Variants in MFAP3 observed in about 807,000 individuals in gnomAD.
MFAP3 encodes the protein microfibril associated protein 3.
A neutral mutation model predicts 20.5 loss-of-function variants in MFAP3; 8 were observed. That is an observed-to-expected ratio of 0.39 (90% confidence interval 0.23 to 0.70). The LOEUF (loss-of-function observed/expected upper bound fraction) is 0.70, where lower values mean the gene tolerates loss of function less well. MFAP3 is among the 30% of genes least tolerant of loss of function. The probability of loss-of-function intolerance (pLI) is 0.44; values close to 1 mark genes in which losing one functional copy is unlikely to be tolerated. For missense variants in MFAP3, 398 were observed against 444.6 expected (o/e 0.90, Z 0.94); for synonymous variants, 140 against 154.0 (o/e 0.91, Z 0.67).
Position 154,049,918 on chromosome 5 carries a change from G to A in MFAP3, c.196G>A (p.Gly66Arg). The A allele has an allele frequency of 6.2e-7, 1 of 1,613,582 alleles. No homozygotes were observed. The highest frequency in any genetic ancestry group is 1.3e-5 in the African/African-American group (1 of 74,986). The change falls in exon 2 of 3, where the codon GGA (glycine) becomes AGA (arginine). Residue 66 changes from glycine (G) to arginine (R), a missense_variant. Coordinates refer to ENST00000522782, the MANE Select transcript of MFAP3 (RefSeq NM_005927.5). ...SDDDVIIAKE[G>R]TSVSIECLLT... ...TGATGATGTCATCATAGCCAAAGAG[G>A]GAACTAGCGTTTCAATTGAGTGTCT...
chr5:154,052,825 G>C (rs2113567467), intron 2 of MFAP3, 95 bp from the exon 3 acceptor site: 2 of 1,085,390 alleles, frequency 1.8e-6, no homozygotes, highest in Non-Finnish European at 2.7e-6. Flanking sequence ...CTAAGTTAAA[G>C]TACTTTGATA....
chr5:154,042,377 A>G (rs1390880283), intron 1 of MFAP3, among the ~76,000 whole-genome samples: 1 of 152,234 alleles, frequency 6.6e-6, no homozygotes, highest in Non-Finnish European at 1.5e-5. Flanking sequence ...AATACAGACG[A>G]TGTTTCTCCA....
chr5:154,052,992 C>T lies in MFAP3; in HGVS notation c.368C>T (p.Thr123Ile), dbSNP rs1397943550. 1.9e-6 allele frequency: 3 copies of T among 1,613,830 alleles called. No homozygotes were observed. The highest frequency in any genetic ancestry group is 2.2e-5 in the South Asian group (2 of 91,070). Residue 123 changes from threonine to isoleucine, a missense_variant, in exon 3 of 3, where the codon ACC (threonine) becomes ATC (isoleucine). Coordinates refer to ENST00000522782, the MANE Select transcript of MFAP3 (RefSeq NM_005927.5). ...GCTTTTGATGACCGTGGGCTCTATACCTGTTTCGTCACCTCTCCAATTCGT... is the reference window on the plus strand; with the variant it reads ...GCTTTTGATGACCGTGGGCTCTATATCTGTTTCGTCACCTCTCCAATTCGT... ...NVAFDDRGLY[T>I]CFVTSPIRAS...
chr5:154,043,738 A>ATT, intron 1 of MFAP3, among the ~76,000 whole-genome samples: 1 of 103,646 alleles, frequency 9.6e-6, no homozygotes, highest in South Asian at 2.9e-4. Flanking sequence ...ATATATATAT[A>ATT]TATATTTTTT....
At chr5:154,050,167 A>C in intron 2 of MFAP3, 150 bp downstream of exon 2, 1 of 654,130 alleles carries the variant, frequency 1.5e-6, no homozygotes, top group Admixed American at 3.7e-5. Flanking sequence ...TACCTATCAG[A>C]AAATGCAAAG....
rs1452118413 is a variant in MFAP3 at position 154,053,517 on chromosome 5, G to A, written c.893G>A (p.Gly298Glu). 2 of 1,613,688 alleles carry A rather than the reference G, an allele frequency of 1.2e-6. No individual in the cohort carries two copies. The highest frequency in any genetic ancestry group is 2.2e-5 in the East Asian group (1 of 44,876). The change falls in exon 3 of 3, where the codon GGA becomes GAA. Residue 298 changes from glycine (G) to glutamate (E), a missense_variant. Gly to Glu is a moderately conservative substitution (Grantham distance 98, BLOSUM62 -2). Coordinates refer to ENST00000522782, the MANE Select transcript of MFAP3 (RefSeq NM_005927.5). ...PEMGRSNSPG[G>E]DSDDGSLNEQ... ...ATGGGACGGAGTAATTCACCAGGAG[G>A]AGATTCAGATGATGGCTCTCTGAAT...
chr5:154,053,542 T>C lies in MFAP3; in HGVS notation c.918T>C (p.Asn306=). 1 of 1,613,916 alleles carries C rather than the reference T, an allele frequency of 6.2e-7. No individual in the cohort carries two copies. The highest frequency in any genetic ancestry group is 8.5e-7 in the Non-Finnish European group (1 of 1,179,948). The change falls in exon 3 of 3, where the codon AAT becomes AAC. Residue 306 remains asparagine, a synonymous_variant. Coordinates refer to ENST00000522782, the MANE Select transcript of MFAP3 (RefSeq NM_005927.5). The part of the protein sequence containing the change: ...PGGDSDDGSL[N]EQGQEIAVQV... ...GAGATTCAGATGATGGCTCTCTGAA[T>C]GAACAAGGCCAGGAAATAGCAGTTC...
chr5:154,043,611 A>G (rs1277772996), intron 1 of MFAP3, among the ~76,000 whole-genome samples: 1 of 152,106 alleles, frequency 6.6e-6, no homozygotes, highest in Non-Finnish European at 1.5e-5. Flanking sequence ...AACTTCATCC[A>G]CAAACATAGT....
rs1773263399 is a variant in MFAP3, at chr5:154,053,734, T to G, written c.*21T>G. 2 of 1,564,010 alleles carry G rather than the reference T, an allele frequency of 1.3e-6. No individual in the cohort carries two copies. Among genetic ancestry groups the G allele is most frequent in the African/African-American group, 1.4e-5 (1 of 73,006 alleles). ...TGTAACCTACAATGCTGTAACCCAG[T>G]ACCTACAAAATCAGCTCGCTCTCAG... is the stretch of plus-strand genomic sequence containing the variant. On this transcript the variant is annotated 3_prime_UTR_variant, in exon 3 of 3. Coordinates refer to ENST00000522782, the MANE Select transcript of MFAP3 (RefSeq NM_005927.5).
Position 154,051,041 on chromosome 5 carries a change from A to G in MFAP3, c.295+1024A>G, listed in dbSNP as rs553937. Among the ~76,000 whole-genome samples the G allele has an allele frequency of 2.0e-5, 3 of 152,120 alleles. No individual in the cohort carries two copies. The South Asian group carries it at 6.2e-4, about 31-fold the overall frequency. Reference sequence around the variant, plus strand: ...GACAGGTGATACTTCCTTCAGACATATGCACTATTTTAATCTATAGACTGA... The same window carrying G: ...GACAGGTGATACTTCCTTCAGACATGTGCACTATTTTAATCTATAGACTGA... On this transcript the variant is annotated intron_variant, in intron 2 of 2. Coordinates refer to ENST00000522782, the MANE Select transcript of MFAP3 (RefSeq NM_005927.5).
intron 1 of MFAP3, among the ~76,000 whole-genome samples, chr5:154,040,022 A>G (rs1772884093): frequency 2.0e-5 from 3 of 152,212 alleles, no homozygotes. Context: ...TAAATATAAA[A>G]TGGATCATTT....
In MFAP3 at chr5:154,056,446, CTT is replaced by C. The variant is rs1311785783; in HGVS notation, c.*2740_*2741del. ...CATATATAATTAAGCCTCATGTTAT[CTT>C]TTTTTTAAATCAACCTTTTGAACTT... On this transcript the variant is annotated 3_prime_UTR_variant, in exon 3 of 3. Transcript: ENST00000522782. Among the ~76,000 whole-genome samples the C allele has an allele frequency of 6.6e-6, 1 of 151,988 alleles. No individual in the cohort carries two copies. Among genetic ancestry groups the C allele is most frequent in the Non-Finnish European group, 1.5e-5 (1 of 67,964 alleles).
Position 154,052,995 on chromosome 5 carries a change from GT to G in MFAP3, c.374del (p.Phe125SerfsTer23). On this transcript the variant is annotated frameshift_variant, in exon 3 of 3. Transcript: ENST00000522782. LOFTEE classifies it high-confidence loss of function. Reference sequence around the variant, plus strand: ...TTTGATGACCGTGGGCTCTATACCTGTTTCGTCACCTCTCCAATTCGTGCCT... The same window carrying G: ...TTTGATGACCGTGGGCTCTATACCTGTTCGTCACCTCTCCAATTCGTGCCT... ...VAFDDRGLYT[C>X]FVTSPIRASY... 1.2e-6 allele frequency: 2 copies of G among 1,613,770 alleles called. No homozygotes were observed. Among genetic ancestry groups the G allele is most frequent in the Non-Finnish European group, 1.7e-6 (2 of 1,179,852 alleles).
In MFAP3 at chr5:154,053,911, C is replaced by T. The variant is rs932215910; in HGVS notation, c.*198C>T. Reference sequence around the variant, plus strand: ...CTCTCTGATACTTTTCAGTCATTTTCCTTAGAGCTTTATTAAATTATGCAT... The same window carrying T: ...CTCTCTGATACTTTTCAGTCATTTTTCTTAGAGCTTTATTAAATTATGCAT... On this transcript the variant is annotated 3_prime_UTR_variant, in exon 3 of 3. Transcript: ENST00000522782. 1 of 555,518 alleles carries T rather than the reference C, an allele frequency of 1.8e-6. No homozygotes were observed. The highest frequency in any genetic ancestry group is 3.3e-6 in the Non-Finnish European group (1 of 307,550). 34.4% of individuals were successfully genotyped at this position (555,518 alleles called of 1,614,324 possible).
At chr5:154,052,180 G>A (rs1360370312) in intron 2 of MFAP3, among the ~76,000 whole-genome samples, 1 of 152,066 alleles carries the variant, frequency 6.6e-6, no homozygotes, top group Non-Finnish European at 1.5e-5. Context: ...GGTTGAAAAT[G>A]GAAGCATAGG....
intron 1 of MFAP3, among the ~76,000 whole-genome samples, chr5:154,043,395 C>CA (rs1773004097): frequency 6.6e-6 from 1 of 151,972 alleles, no homozygotes; most frequent in African/African-American, 2.4e-5. Flanking sequence ...ACTAAAAATA[C>CA]AAAAAATTAG....
intron 1 of MFAP3, among the ~76,000 whole-genome samples, chr5:154,041,431 A>G (rs1306147451): frequency 6.6e-6 from 1 of 152,250 alleles, no homozygotes; most frequent in Non-Finnish European, 1.5e-5. Flanking sequence ...TGAGGAAACT[A>G]AAACCACTGG....
chr5:154,054,536 C>A lies in MFAP3; in HGVS notation c.*823C>A, dbSNP rs191373238. 7.8e-5 allele frequency: 13 copies of A among 167,020 alleles called. No homozygotes were observed. In the Admixed American group the frequency reaches 7.8e-4, roughly 10 times the overall value. The allele number at this position is 167,020 out of a possible 1,614,324, so 10.3% of individuals were successfully genotyped here. A position where few individuals can be genotyped will look rare whatever the true frequency, so the allele number is the denominator to read the frequency against. On this transcript the variant is annotated 3_prime_UTR_variant, in exon 3 of 3. Transcript: ENST00000522782. ...TGAGCAGTTTATTTCTAAGGTATAA[C>A]GTCTTTGATGCTTTTAGAATAAGAA... is the stretch of plus-strand genomic sequence containing the variant.
chr5:154,051,040 T>C, intron 2 of MFAP3, among the ~76,000 whole-genome samples: 1 of 152,214 alleles, frequency 6.6e-6, no homozygotes, highest in African/African-American at 2.4e-5. Context: ...CCTTCAGACA[T>C]ATGCACTATT....
Sources: allele counts gnomAD v4.1 joint callset (sites outside exome capture counted in the v4.1 genomes callset), GRCh38; gene constraint gnomAD v4.1.1; transcripts MANE v1.5; gene names NCBI Gene and HGNC (gene_info 2026-07-23, HGNC 2026-07-21).